Variants in LHFPL4 observed in about 807,000 individuals in gnomAD.
The protein encoded by LHFPL4 is LHFPL tetraspan subfamily member 4, also known as LHFPL tetraspan subfamily member 4 protein.
Under a neutral mutation model 20.0 loss-of-function variants are expected in LHFPL4, and 6 were observed. That is an observed-to-expected ratio of 0.30 (90% CI 0.16 to 0.59). LHFPL4 has a LOEUF of 0.59. LHFPL4 is among the 20% of genes least tolerant of loss of function. The pLI, the probability that LHFPL4 is intolerant of heterozygous loss-of-function variation, is 0.88. For missense variants in LHFPL4, 215 were observed against 331.2 expected (o/e 0.65, Z 2.72); for synonymous variants, 129 against 143.8 (o/e 0.90, Z 0.74).
chr3:9,524,443 T>C (rs1309508196), intron 2 of LHFPL4, among the ~76,000 whole-genome samples: 2 of 152,200 alleles, frequency 1.3e-5, no homozygotes, highest in East Asian at 3.8e-4. Flanking sequence ...TAGTTTGTTT[T>C]AGTCTTTTTC....
chr3:9,519,728 T>C (rs907055785), intron 2 of LHFPL4, among the ~76,000 whole-genome samples: 6 of 152,062 alleles, frequency 3.9e-5, no homozygotes, highest in African/African-American at 1.5e-4. Context: ...CTGGCTAATT[T>C]TTTTCGTTAG....
Position 9,502,249 on chromosome 3 carries a change from C to T in LHFPL4, c.706G>A (p.Val236Ile). 6.2e-7 allele frequency: 1 copy of T among 1,614,018 alleles called. No individual in the cohort carries two copies. Among genetic ancestry groups the T allele is most frequent in the Non-Finnish European group, 8.5e-7 (1 of 1,179,954 alleles). Residue 236 changes from valine (V) to isoleucine (I), a missense_variant, in exon 4 of 4, where the codon GTC becomes ATC. Around this residue, in one of 2 missense-constraint regions of LHFPL4, gnomAD observed 51 missense variants for 44.5 expected, o/e 1.15. Transcript: ENST00000287585. Reference protein sequence around the residue: ...RPGGDVSGWGVLPCPVAHSQG... With the variant: ...RPGGDVSGWGILPCPVAHSQG... The stretch of plus-strand genomic sequence containing the variant: ...GAGTGAGCCACGGGGCAGGGAAGGA[C>T]TCCCCATCCAGAGACATCACCCCCG...
chr3:9,527,589 C>A (rs993025328), intron 2 of LHFPL4, among the ~76,000 whole-genome samples: 4 of 151,822 alleles, frequency 2.6e-5, no homozygotes, highest in Admixed American at 1.3e-4. Context: ...CGCCTGTAGT[C>A]TCAGCTATTT....
At chr3:9,523,586 C>A (rs2046354662) in intron 2 of LHFPL4, among the ~76,000 whole-genome samples, 1 of 151,498 alleles carries the variant, frequency 6.6e-6, no homozygotes, top group African/African-American at 2.4e-5. Context: ...AATTCTCCTG[C>A]CCCAGCCTCC....
intron 2 of LHFPL4, among the ~76,000 whole-genome samples, chr3:9,546,926 AT>A (rs1246963622): frequency 6.6e-6 from 1 of 152,114 alleles, no homozygotes; most frequent in Non-Finnish European, 1.5e-5. Flanking sequence ...AGGCAAACCC[AT>A]TTCTCCAAGG....
chr3:9,498,626 C>T lies in LHFPL4; in HGVS notation c.*3585G>A, dbSNP rs910224763. On this transcript the variant is annotated 3_prime_UTR_variant, in exon 4 of 4. Transcript: ENST00000287585. ...CCCTGTTCAGGAAACTCCAGTCCCACCCAAAGGTTAGCCGTGGGCCAGGCA... is the reference window on the plus strand; with the variant it reads ...CCCTGTTCAGGAAACTCCAGTCCCATCCAAAGGTTAGCCGTGGGCCAGGCA... The T allele has an allele frequency of 6.5e-6, 1 of 152,698 alleles. No individual in the cohort carries two copies. The highest frequency in any genetic ancestry group is 1.5e-5 in the Non-Finnish European group (1 of 68,096). 9.5% of individuals were successfully genotyped at this position (152,698 alleles called of 1,614,324 possible). A position where few individuals can be genotyped will look rare whatever the true frequency, so the allele number is the denominator to read the frequency against.
intron 3 of LHFPL4, 21 bp downstream of exon 3, chr3:9,505,946 C>T (rs780741788): frequency 1.2e-6 from 2 of 1,609,424 alleles, no homozygotes; most frequent in East Asian, 2.2e-5. Flanking sequence ...GCCGCTGCCC[C>T]CCAGCCCACA....
chr3:9,553,819 G>A lies in LHFPL4; in HGVS notation c.-303C>T, dbSNP rs1360098932. On this transcript the variant is annotated 5_prime_UTR_variant, in exon 1 of 4. Coordinates refer to ENST00000287585, the MANE Select transcript of LHFPL4 (RefSeq NM_198560.3). The stretch of plus-strand genomic sequence containing the variant: ...CCATCTTGCTCGGGTTCTCCCCGGG[G>A]CGCGCTCCCGCGCCGAGGCGCGCGC... The A allele has an allele frequency of 6.6e-6, 1 of 150,650 alleles. No homozygotes were observed. The highest frequency in any genetic ancestry group is 1.5e-5 in the Non-Finnish European group (1 of 67,494). 9.3% of individuals were successfully genotyped at this position (150,650 alleles called of 1,614,324 possible). A position where few individuals can be genotyped will look rare whatever the true frequency, so the allele number is the denominator to read the frequency against.
intron 2 of LHFPL4, among the ~76,000 whole-genome samples, chr3:9,511,435 G>C (rs76370991): frequency 0.041 from 6,244 of 152,184 alleles, 177 homozygotes; most frequent in Non-Finnish European, 0.063. Context: ...GGCACCAGGT[G>C]TCTTATCCAA....
intron 2 of LHFPL4, among the ~76,000 whole-genome samples, chr3:9,524,049 G>C (rs1186748452): frequency 6.9e-6 from 1 of 144,822 alleles, no homozygotes; most frequent in Non-Finnish European, 1.5e-5. Flanking sequence ...TTTTGAGTCA[G>C]ATGTAATTCT....
chr3:9,531,706 C>CAGG (rs1434211812), intron 2 of LHFPL4, among the ~76,000 whole-genome samples: 2 of 152,056 alleles, frequency 1.3e-5, no homozygotes, highest in African/African-American at 4.8e-5. Flanking sequence ...GAGACTGAGG[C>CAGG]AGGAGAATTG....
Position 9,502,022 on chromosome 3 carries a change from G to C in LHFPL4, c.*189C>G. Reference sequence around the variant, plus strand: ...CAAGAATTAGACCCTCCCAAGGTTTGGAGGGCCTCTCCTCTCCCCCAGGCC... The same window carrying C: ...CAAGAATTAGACCCTCCCAAGGTTTCGAGGGCCTCTCCTCTCCCCCAGGCC... On this transcript the variant is annotated 3_prime_UTR_variant, in exon 4 of 4. Transcript: ENST00000287585. The C allele has an allele frequency of 1.6e-6, 1 of 612,790 alleles. No individual in the cohort carries two copies. The highest frequency in any genetic ancestry group is 3.0e-6 in the Non-Finnish European group (1 of 338,934). The allele number at this position is 612,790 out of a possible 1,614,324, so 38.0% of individuals were successfully genotyped here. A position where few individuals can be genotyped will look rare whatever the true frequency, so the allele number is the denominator to read the frequency against.
At chr3:9,524,461 T>G (rs1378143998) in intron 2 of LHFPL4, among the ~76,000 whole-genome samples, 2 of 152,322 alleles carry the variant, frequency 1.3e-5, no homozygotes, top group Admixed American at 6.5e-5. Flanking sequence ...TTCCCTTTAC[T>G]TTTTGTTTTT....
intron 2 of LHFPL4, among the ~76,000 whole-genome samples, chr3:9,516,077 G>A (rs2046299128): frequency 6.6e-6 from 1 of 152,172 alleles, no homozygotes; most frequent in African/African-American, 2.4e-5. Context: ...TCTCTTGACT[G>A]TGTCTCTGAC....
chr3:9,552,461 G>C lies in LHFPL4; in HGVS notation c.219C>G (p.Arg73=). The change falls in exon 2 of 4, where the codon CGC becomes CGG. Residue 73 remains arginine (R), a synonymous_variant. Coordinates refer to ENST00000287585, the MANE Select transcript of LHFPL4 (RefSeq NM_198560.3). ...TGAAGGAGCCCCGGCAGGTGAGCTCGCGGCCCGCCAGCCCGCTGCCCACGC... is the reference window on the plus strand; with the variant it reads ...TGAAGGAGCCCCGGCAGGTGAGCTCCCGGCCCGCCAGCCCGCTGCCCACGC... ...HYCVGSGLAG[R]ELTCRGSFTD... 2 of 1,613,126 alleles carry C rather than the reference G, an allele frequency of 1.2e-6. No homozygotes were observed. The highest frequency in any genetic ancestry group is 1.7e-6 in the Non-Finnish European group (2 of 1,179,698).
rs544621711 is a variant in LHFPL4, at chr3:9,523,661, C to T, written c.407-17458G>A. On this transcript the variant is annotated intron_variant, in intron 2 of 3. Coordinates refer to ENST00000287585, the MANE Select transcript of LHFPL4 (RefSeq NM_198560.3). ...CTAATTTTTGTATTTTTAGTATAGACGGGGTTTTACCATGTTGGCCAGGCT... is the reference window on the plus strand; with the variant it reads ...CTAATTTTTGTATTTTTAGTATAGATGGGGTTTTACCATGTTGGCCAGGCT... 2.6e-5 allele frequency among the ~76,000 whole-genome samples: 4 copies of T among 151,844 alleles called. No individual in the cohort carries two copies. The East Asian group carries it at 5.9e-4, about 23-fold the overall frequency.
chr3:9,517,271 G>A (rs987606205), intron 2 of LHFPL4, among the ~76,000 whole-genome samples: 1 of 152,086 alleles, frequency 6.6e-6, no homozygotes, highest in Non-Finnish European at 1.5e-5. Flanking sequence ...GATTGAGATT[G>A]CATTGAATCT....
At chr3:9,503,876 A>G (rs1327746089) in intron 3 of LHFPL4, among the ~76,000 whole-genome samples, 6 of 151,422 alleles carry the variant, frequency 4.0e-5, no homozygotes, top group Non-Finnish European at 8.8e-5. Flanking sequence ...AAATACAAAA[A>G]TTAGTCAGGC....
rs1174206410 is a variant in LHFPL4, at chr3:9,502,316, G to A, written c.644-5C>T. Reference sequence around the variant, plus strand: ...TTACTGTAGAGCCCACAAAATCTAAGAGAGAGAGAGAGAGAGAGAAGGAGA... The same window carrying A: ...TTACTGTAGAGCCCACAAAATCTAAAAGAGAGAGAGAGAGAGAGAAGGAGA... On this transcript the variant is annotated splice_region_variant and splice_polypyrimidine_tract_variant and intron_variant, in intron 3 of 3. Coordinates refer to ENST00000287585, the MANE Select transcript of LHFPL4 (RefSeq NM_198560.3). The A allele has an allele frequency of 1.1e-6, 1 of 874,290 alleles. No homozygotes were observed. The highest frequency in any genetic ancestry group is 1.6e-6 in the Non-Finnish European group (1 of 626,418). The allele number at this position is 874,290 out of a possible 1,614,324, so 54.2% of individuals were successfully genotyped here.
Sources: gnomAD v4.1 joint callset for allele counts (sites outside exome capture counted in the v4.1 genomes callset) on GRCh38, gnomAD v4.1.1 for gene constraint, gnomAD v4.1.1 regional missense constraint, MANE v1.5 for transcripts, NCBI Gene and HGNC (gene_info 2026-07-23, HGNC 2026-07-21) for gene names.